The following DACH1 variants were observed in gnomAD, a reference collection of about 807,000 sequenced individuals.
DACH1 encodes the protein dachshund family transcription factor 1.
In DACH1, 12 loss-of-function variants were observed where a neutral mutation model predicts 54.2. The observed-to-expected ratio is 0.22, with a 90% CI of 0.14 to 0.36. The LOEUF is 0.36. Among genes scored for constraint, DACH1 ranks in the 10% least tolerant of loss-of-function variants. The pLI is 1.00. For synonymous variants in DACH1, 386 were observed against 366.2 expected, an observed-to-expected ratio of 1.05 and a Z score of -0.62; for missense variants, 805 against 929.8, an observed-to-expected ratio of 0.87 and a Z score of 1.75.
At chr13:71,832,293 A>G (rs779096401) in intron 1 of DACH1, among the ~76,000 whole-genome samples, 7 of 151,972 alleles carry the variant, frequency 4.6e-5, no homozygotes, top group Non-Finnish European at 1.0e-4. Context: ...AATACAAACA[A>G]TAAAGCAACA....
chr13:71,646,665 T>C (rs868858053), intron 2 of DACH1, among the ~76,000 whole-genome samples: 1 of 152,186 alleles, frequency 6.6e-6, no homozygotes, highest in Admixed American at 6.5e-5. Flanking sequence ...TAAATATATC[T>C]AAAAAGTAAT....
chr13:71,791,371 T>G (rs1032075473), intron 1 of DACH1, among the ~76,000 whole-genome samples: 3 of 152,070 alleles, frequency 2.0e-5, no homozygotes, highest in African/African-American at 7.3e-5. Flanking sequence ...TGTTTGTTTG[T>G]TTGGTTTGGT....
At chr13:71,585,027 T>C (rs1002733243) in intron 3 of DACH1, among the ~76,000 whole-genome samples, 14 of 152,274 alleles carry the variant, frequency 9.2e-5, no homozygotes, top group Middle Eastern at 3.4e-3. Context: ...ATTTGAATCA[T>C]AGAATATTAG....
intron 2 of DACH1, among the ~76,000 whole-genome samples, chr13:71,657,816 G>A (rs570200853): frequency 6.6e-6 from 1 of 151,216 alleles, no homozygotes; most frequent in African/African-American, 2.4e-5. Flanking sequence ...TCACTATGTT[G>A]CCCGGGCTTG....
At chr13:71,645,262 G>A (rs79504932) in intron 2 of DACH1, among the ~76,000 whole-genome samples, 3 of 152,244 alleles carry the variant, frequency 2.0e-5, no homozygotes, top group East Asian at 3.9e-4. Flanking sequence ...GCATATAACT[G>A]GGGAGCTTAA....
At chr13:71,588,124 G>T (rs1873416210) in intron 3 of DACH1, among the ~76,000 whole-genome samples, 2 of 152,094 alleles carry the variant, frequency 1.3e-5, no homozygotes, top group South Asian at 4.1e-4. Flanking sequence ...CAAAGGTTTA[G>T]ATGGGAACGG....
intron 1 of DACH1, among the ~76,000 whole-genome samples, chr13:71,748,435 C>T (rs1884704601): frequency 6.6e-6 from 1 of 152,150 alleles, no homozygotes; most frequent in Non-Finnish European, 1.5e-5. Flanking sequence ...AGCTCAAGCC[C>T]TTAGTTTTTA....
intron 2 of DACH1, among the ~76,000 whole-genome samples, chr13:71,659,322 T>C (rs1038520362): frequency 3.0e-4 from 45 of 152,178 alleles, no homozygotes; most frequent in African/African-American, 9.9e-4. Context: ...TTCAATGCTC[T>C]AATAGAAGGT....
At chr13:71,563,988 A>C (rs968030765) in intron 4 of DACH1, among the ~76,000 whole-genome samples, 1 of 151,978 alleles carries the variant, frequency 6.6e-6, no homozygotes, top group African/African-American at 2.4e-5. Flanking sequence ...TGTTCTTTGA[A>C]GAATTTCATT....
At chr13:71,473,576 A>G (rs1241696804) in intron 10 of DACH1, among the ~76,000 whole-genome samples, 1 of 152,212 alleles carries the variant, frequency 6.6e-6, no homozygotes, top group Non-Finnish European at 1.5e-5. Flanking sequence ...AACAACCAAC[A>G]TGTTGTTATG....
At chr13:71,772,914 G>A (rs1354183250) in intron 1 of DACH1, among the ~76,000 whole-genome samples, 1 of 151,728 alleles carries the variant, frequency 6.6e-6, no homozygotes, top group Non-Finnish European at 1.5e-5. Flanking sequence ...ACTGCCAAGT[G>A]TTTACAAAAG....
intron 1 of DACH1, among the ~76,000 whole-genome samples, chr13:71,861,231 G>A (rs117933634): frequency 0.015 from 2,277 of 152,042 alleles, 23 homozygotes; most frequent in Non-Finnish European, 0.025. Context: ...AAAGCCTGTC[G>A]TGTAGTTTAT....
intron 1 of DACH1, among the ~76,000 whole-genome samples, chr13:71,828,512 T>C (rs1053304564): frequency 1.3e-5 from 2 of 152,058 alleles, no homozygotes; most frequent in Non-Finnish European, 2.9e-5. Flanking sequence ...TCAACTTTTA[T>C]ATTTTCTAAA....
rs1207889346 is a variant in DACH1 at position 71,866,741 on chromosome 13, G to A, written c.29C>T (p.Pro10Leu). 1.4e-6 allele frequency: 2 copies of A among 1,422,446 alleles called. No homozygotes were observed. Among genetic ancestry groups the A allele is most frequent in the South Asian group, 3.4e-5 (2 of 58,200 alleles). 88.1% of individuals were successfully genotyped at this position (1,422,446 alleles called of 1,614,324 possible). The change falls in exon 1 of 11, where the codon CCG (proline) becomes CTG (leucine). Residue 10 changes from proline (P) to leucine (L), a missense_variant. Physicochemically the swap from Pro to Leu is moderately conservative, Grantham distance 98. Coordinates refer to ENST00000613252, the MANE Select transcript of DACH1 (RefSeq NM_080759.6). Reference sequence around the variant, plus strand: ...GGGTTGAGGGGGGACCAGCTGGGTCGGAGGGATCAAAGCCGCCGGCACTGC... The same window carrying A: ...GGGTTGAGGGGGGACCAGCTGGGTCAGAGGGATCAAAGCCGCCGGCACTGC... MAVPAALIPPTQLVPPQPPI... is the reference protein window; with the variant it reads MAVPAALIPLTQLVPPQPPI...
chr13:71,731,414 C>T (rs1883741234), intron 1 of DACH1, among the ~76,000 whole-genome samples: 1 of 151,426 alleles, frequency 6.6e-6, no homozygotes, highest in African/African-American at 2.4e-5. Flanking sequence ...GCCTCAGCCT[C>T]CTGGGACTAC....
intron 6 of DACH1, among the ~76,000 whole-genome samples, chr13:71,503,683 T>C (rs1033464212): frequency 6.6e-6 from 1 of 152,210 alleles, no homozygotes; most frequent in African/African-American, 2.4e-5. Flanking sequence ...TTAAAAATAC[T>C]ATTGGCTGTT....
chr13:71,739,418 T>A (rs1460550775), intron 1 of DACH1, among the ~76,000 whole-genome samples: 2 of 152,156 alleles, frequency 1.3e-5, no homozygotes, highest in Non-Finnish European at 2.9e-5. Context: ...CTTTAAAAAA[T>A]TGAAATTAAA....
intron 6 of DACH1, among the ~76,000 whole-genome samples, chr13:71,535,180 G>A (rs1008505649): frequency 5.3e-5 from 8 of 151,600 alleles, no homozygotes; most frequent in Non-Finnish European, 8.9e-5. Flanking sequence ...TATTAACACT[G>A]TATTATACAA....
At chr13:71,779,222 T>C (rs1162573881) in intron 1 of DACH1, among the ~76,000 whole-genome samples, 2 of 102,884 alleles carry the variant, frequency 1.9e-5, no homozygotes, top group African/African-American at 9.8e-5. Flanking sequence ...TATATACGTA[T>C]ATACGTATAT....
Sources: allele counts gnomAD v4.1 joint callset (sites outside exome capture counted in the v4.1 genomes callset), GRCh38; gene constraint gnomAD v4.1.1; transcripts MANE v1.5; gene names NCBI Gene and HGNC (gene_info 2026-07-23, HGNC 2026-07-21).